The following RNF180 variants were observed in gnomAD, a reference collection of about 807,000 sequenced individuals.
RNF180 encodes the protein E3 ubiquitin-protein ligase RNF180.
Under a neutral mutation model 59.2 loss-of-function variants are expected in RNF180, and 38 were observed. The observed-to-expected ratio is 0.64, with a 90% CI of 0.50 to 0.84. The LOEUF is 0.84. RNF180 is among the 40% of genes least tolerant of loss of function. The probability of loss-of-function intolerance (pLI) is 0.00; values close to 1 mark genes in which losing one functional copy is unlikely to be tolerated. For missense variants in RNF180, 705 were observed against 700.9 expected (o/e 1.01, Z -0.07); for synonymous variants, 262 against 240.3 (o/e 1.09, Z -0.84).
chr5:64,202,094 T>G (rs1484148915), intron 2 of RNF180, among the ~76,000 whole-genome samples: 1 of 152,232 alleles, frequency 6.6e-6, no homozygotes, highest in African/African-American at 2.4e-5. Context: ...TGATAAGTTT[T>G]ATCAGCCCTG....
intron 5 of RNF180, among the ~76,000 whole-genome samples, chr5:64,252,955 T>A (rs1019084557): frequency 2.6e-5 from 4 of 151,786 alleles, no homozygotes; most frequent in African/African-American, 9.7e-5. Flanking sequence ...TCAAATGACC[T>A]CATTCATGTT....
At chr5:64,355,622 G>C (rs966476258) in intron 7 of RNF180, among the ~76,000 whole-genome samples, 2 of 151,822 alleles carry the variant, frequency 1.3e-5, no homozygotes, top group African/African-American at 2.4e-5. Context: ...CTGAAAAGAA[G>C]TACAGTGTTC....
chr5:64,225,533 T>C (rs1360068027), intron 5 of RNF180, among the ~76,000 whole-genome samples: 1 of 129,192 alleles, frequency 7.7e-6, no homozygotes, highest in Non-Finnish European at 1.6e-5. Flanking sequence ...GCCCTTCGTC[T>C]GGGAGGTGAG....
chr5:64,192,166 A>C (rs1579966377), intron 1 of RNF180, among the ~76,000 whole-genome samples: 1 of 151,688 alleles, frequency 6.6e-6, no homozygotes, highest in Non-Finnish European at 1.5e-5. Flanking sequence ...ACTTGAATAG[A>C]CATTTTTGCT....
In RNF180 at chr5:64,330,404, G is replaced by A; in HGVS notation, c.1577G>A (p.Gly526Glu). 1 of 1,532,816 alleles carries A rather than the reference G, an allele frequency of 6.5e-7. No homozygotes were observed. Among genetic ancestry groups the A allele is most frequent in the Non-Finnish European group, 8.8e-7 (1 of 1,142,764 alleles). The allele number at this position is 1,532,816 out of a possible 1,614,324, so 95.0% of individuals were successfully genotyped here. ...TGCAGAAAAGCATTTCATCTTTTTG[G>A]AGGTAAGGAAATCTAACGCCAAAAA... ...PSCRKAFHLF[G>E]GFRRHAAPVT... Residue 526 changes from glycine to glutamate, a missense_variant and splice_region_variant, in exon 7 of 8, where the codon GGA becomes GAA. Gly to Glu is a moderately conservative substitution (Grantham distance 98). Coordinates refer to ENST00000389100, the MANE Select transcript of RNF180 (RefSeq NM_001113561.2).
chr5:64,214,440 CT>C lies in RNF180; in HGVS notation c.1116del (p.Asn373IlefsTer8). 6.2e-7 allele frequency: 1 copy of C among 1,613,492 alleles called. No individual in the cohort carries two copies. Among genetic ancestry groups the C allele is most frequent in the Non-Finnish European group, 8.5e-7 (1 of 1,179,548 alleles). Reference protein sequence around the residue: ...NFSLGSINQRLNKRERSKLKN... With the variant: ...NFSLGSINQRXNKRERSKLKN... ...TTCATTGGGCAGCATTAATCAGAGG[CT>C]TAATAAGAGAGAAAGGAGCAAGTTG... On this transcript the variant is annotated frameshift_variant, in exon 4 of 8. Coordinates refer to ENST00000389100, the MANE Select transcript of RNF180 (RefSeq NM_001113561.2). LOFTEE classifies it high-confidence loss of function.
intron 5 of RNF180, among the ~76,000 whole-genome samples, chr5:64,222,534 T>C (rs1741407539): frequency 6.6e-6 from 1 of 152,180 alleles, no homozygotes; most frequent in South Asian, 2.1e-4. Flanking sequence ...CCCTCAACAG[T>C]AAGTTATGAC....
At chr5:64,246,062 A>G (rs916590496) in intron 5 of RNF180, among the ~76,000 whole-genome samples, 1 of 152,192 alleles carries the variant, frequency 6.6e-6, no homozygotes, top group Non-Finnish European at 1.5e-5. Flanking sequence ...TTTGAAACCA[A>G]TGAGAAAAAA....
At position 64,247,365 on chromosome 5, in the gene RNF180, C is replaced by T. The variant is rs541313262; in HGVS notation, c.1227+29969C>T. ...ACATGATTGTATACATAGAAAATCCCATCGTCTCAGCCCAAAATCTCCTTA... is the reference window on the plus strand; with the variant it reads ...ACATGATTGTATACATAGAAAATCCTATCGTCTCAGCCCAAAATCTCCTTA... On this transcript the variant is annotated intron_variant, in intron 5 of 7. Transcript: ENST00000389100. Among the ~76,000 whole-genome samples, 9 of 152,286 alleles carry T rather than the reference C, an allele frequency of 5.9e-5. No homozygotes were observed. In the South Asian group the frequency reaches 1.9e-3, roughly 32 times the overall value.
chr5:64,206,824 G>A (rs1209877485), intron 2 of RNF180, among the ~76,000 whole-genome samples: 2 of 152,174 alleles, frequency 1.3e-5, no homozygotes, highest in African/African-American at 4.8e-5. Flanking sequence ...GCAGCCACCT[G>A]CAGGCTAGAA....
At position 64,305,008 on chromosome 5, in the gene RNF180, C is replaced by T. The variant is rs138494514; in HGVS notation, c.1228-20178C>T. Among the ~76,000 whole-genome samples, 24 of 151,726 alleles carry T rather than the reference C, an allele frequency of 1.6e-4. No individual in the cohort carries two copies. In the Middle Eastern group the frequency reaches 0.017, roughly 108 times the overall value. On this transcript the variant is annotated intron_variant, in intron 5 of 7. Transcript: ENST00000389100. ...AAAAAGGATTATGACTTACTGAAGG[C>T]TCAGATGATCATTAGTACTTTTTAG...
intron 2 of RNF180, among the ~76,000 whole-genome samples, chr5:64,201,427 C>T (rs921221739): frequency 3.9e-5 from 6 of 152,014 alleles, no homozygotes; most frequent in African/African-American, 1.4e-4. Flanking sequence ...GTTTGGTCAT[C>T]CTGATTAAAA....
At chr5:64,253,992 G>A (rs1195280075) in intron 5 of RNF180, among the ~76,000 whole-genome samples, 1 of 152,006 alleles carries the variant, frequency 6.6e-6, no homozygotes, top group East Asian at 1.9e-4. Context: ...ACTAAAGGGT[G>A]GACCCTCTCT....
At chr5:64,303,471 A>G (rs1489120260) in intron 5 of RNF180, among the ~76,000 whole-genome samples, 1 of 151,698 alleles carries the variant, frequency 6.6e-6, no homozygotes, top group Non-Finnish European at 1.5e-5. Flanking sequence ...AAAGAAATTA[A>G]AAGTGCTACT....
At chr5:64,190,422 C>T (rs1751084364) in intron 1 of RNF180, among the ~76,000 whole-genome samples, 1 of 152,158 alleles carries the variant, frequency 6.6e-6, no homozygotes. Flanking sequence ...TACCTTGAGT[C>T]TCATCCATAC....
chr5:64,228,833 C>A (rs2112187505), intron 5 of RNF180, among the ~76,000 whole-genome samples: 1 of 151,534 alleles, frequency 6.6e-6, no homozygotes, highest in Non-Finnish European at 1.5e-5. Context: ...CCTAAGAGGC[C>A]CAATTTCAAA....
At chr5:64,194,968 A>T (rs180713596) in intron 1 of RNF180, among the ~76,000 whole-genome samples, 1 of 152,222 alleles carries the variant, frequency 6.6e-6, no homozygotes, top group Non-Finnish European at 1.5e-5. Context: ...CAAACTGAAC[A>T]TGTATATATG....
At chr5:64,255,642 T>G (rs901140684) in intron 5 of RNF180, among the ~76,000 whole-genome samples, 16 of 152,234 alleles carry the variant, frequency 1.1e-4, no homozygotes, top group African/African-American at 2.2e-4. Flanking sequence ...CTATTGTGAA[T>G]AGTGCCACAA....
chr5:64,322,667 G>T (rs1007404337), intron 5 of RNF180, among the ~76,000 whole-genome samples: 10 of 149,390 alleles, frequency 6.7e-5, no homozygotes, highest in Non-Finnish European at 1.3e-4. Flanking sequence ...GCCAATAAAA[G>T]GAATGAAATA....
Sources: allele counts gnomAD v4.1 joint callset (sites outside exome capture counted in the v4.1 genomes callset), GRCh38; gene constraint gnomAD v4.1.1; transcripts MANE v1.5; gene names NCBI Gene and HGNC (gene_info 2026-07-23, HGNC 2026-07-21).